HNF4G: variants seen among roughly 807,000 people sequenced by gnomAD.
HNF4G encodes the protein hepatocyte nuclear factor 4 gamma.
In HNF4G, 21 loss-of-function variants were observed where a neutral mutation model predicts 50.9. The observed-to-expected ratio is 0.41, with a 90% CI of 0.29 to 0.59. HNF4G has a LOEUF of 0.59. HNF4G is among the 20% of genes least tolerant of loss of function. The probability of loss-of-function intolerance (pLI) is 0.26; values close to 1 mark genes in which losing one functional copy is unlikely to be tolerated. For synonymous variants in HNF4G, 198 were observed against 185.6 expected, an observed-to-expected ratio of 1.07 and a Z score of -0.54; for missense variants, 527 against 559.4, an observed-to-expected ratio of 0.94 and a Z score of 0.58.
chr8:75,547,642 C>T lies in HNF4G; in HGVS notation c.343C>T (p.Arg115Ter), dbSNP rs1427781416. 6.2e-7 allele frequency: 1 copy of T among 1,609,266 alleles called. No homozygotes were observed. Among genetic ancestry groups the T allele is most frequent in the Non-Finnish European group, 8.5e-7 (1 of 1,176,490 alleles). ...KDKRNQCRYC[R>*]LRKCFRAGMK... The stretch of plus-strand genomic sequence containing the variant: ...CAAAAGGAATCAATGTAGATATTGT[C>T]GATTAAGAAAGTGTTTTAGAGCGGG... Residue 115 changes from arginine to a stop codon, truncating the protein, a stop_gained, in exon 3 of 10, where the codon CGA becomes TGA. Transcript: ENST00000396423. LOFTEE classifies it high-confidence loss of function.
At chr8:75,469,278 G>A (rs1341001904) in intron 1 of HNF4G, among the ~76,000 whole-genome samples, 1 of 152,006 alleles carries the variant, frequency 6.6e-6, no homozygotes, top group Non-Finnish European at 1.5e-5. Flanking sequence ...ACCTTAGTGG[G>A]ATGGGGAAAT....
At chr8:75,452,787 C>T (rs867296479) in intron 1 of HNF4G, among the ~76,000 whole-genome samples, 2 of 152,008 alleles carry the variant, frequency 1.3e-5, no homozygotes, top group Non-Finnish European at 2.9e-5. Flanking sequence ...GATTCCACAT[C>T]AGGCAGTCCT....
intron 2 of HNF4G, among the ~76,000 whole-genome samples, chr8:75,511,465 C>G (rs1805749047): frequency 6.6e-6 from 1 of 152,196 alleles, no homozygotes; most frequent in African/African-American, 2.4e-5. Context: ...AGAATCACTT[C>G]TTAAAATACA....
intron 1 of HNF4G, among the ~76,000 whole-genome samples, chr8:75,470,725 C>A (rs1396505492): frequency 6.6e-6 from 1 of 152,190 alleles, no homozygotes; most frequent in Non-Finnish European, 1.5e-5. Context: ...GAAAGCCTGA[C>A]ATTGTGTCAA....
Position 75,556,016 on chromosome 8 carries a change from T to TA in HNF4G, c.681dup (p.Leu228ThrfsTer12). On this transcript the variant is annotated frameshift_variant, in exon 6 of 10. Transcript: ENST00000396423. LOFTEE classifies it high-confidence loss of function. ...TTGAGAGCTCACGCAGGGGAGCACTTACTGCTTGGAGCTACAAAGAGATCC... is the reference window on the plus strand; with the variant it reads ...TTGAGAGCTCACGCAGGGGAGCACTTAACTGCTTGGAGCTACAAAGAGATCC... The TA allele has an allele frequency of 6.3e-7, 1 of 1,587,792 alleles. No homozygotes were observed. The highest frequency in any genetic ancestry group is 8.6e-7 in the Non-Finnish European group (1 of 1,166,438).
At chr8:75,442,748 T>C (rs996335021) in intron 1 of HNF4G, among the ~76,000 whole-genome samples, 3 of 152,150 alleles carry the variant, frequency 2.0e-5, no homozygotes, top group Admixed American at 6.6e-5. Flanking sequence ...CATTATTTTA[T>C]ATTGAGTTTG....
At chr8:75,449,392 T>TA (rs1186233203) in intron 1 of HNF4G, among the ~76,000 whole-genome samples, 2 of 148,544 alleles carry the variant, frequency 1.3e-5, no homozygotes, top group African/African-American at 5.2e-5. Flanking sequence ...TTTAATTAAC[T>TA]AAAAAAACAA....
chr8:75,459,597 C>A (rs961758150), intron 1 of HNF4G, among the ~76,000 whole-genome samples: 2 of 152,158 alleles, frequency 1.3e-5, no homozygotes, highest in Non-Finnish European at 2.9e-5. Context: ...TATAGTTTGA[C>A]TTCATTTAGA....
intron 1 of HNF4G, among the ~76,000 whole-genome samples, chr8:75,458,364 TCTAA>T (rs1261294389): frequency 7.1e-6 from 1 of 140,442 alleles, no homozygotes; most frequent in Non-Finnish European, 1.5e-5. Flanking sequence ...TGTTTAATGG[TCTAA>T]CTTTTTTTTT....
At chr8:75,409,732 C>T (rs1332538147) in intron 1 of HNF4G, among the ~76,000 whole-genome samples, 2 of 151,996 alleles carry the variant, frequency 1.3e-5, no homozygotes, top group Non-Finnish European at 2.9e-5. Flanking sequence ...CGTGATCTGC[C>T]CGTCTTGACA....
chr8:75,532,124 A>G (rs944076386), intron 2 of HNF4G, among the ~76,000 whole-genome samples: 1 of 152,108 alleles, frequency 6.6e-6, no homozygotes, highest in African/African-American at 2.4e-5. Flanking sequence ...ATCAAAAATA[A>G]ATAAATAAAT....
chr8:75,432,497 C>T (rs562982119), intron 1 of HNF4G, among the ~76,000 whole-genome samples: 5 of 152,118 alleles, frequency 3.3e-5, no homozygotes, highest in African/African-American at 1.2e-4. Context: ...GATGGGGTTT[C>T]AGCATGTTGG....
chr8:75,476,190 T>C (rs1428382452), intron 1 of HNF4G, among the ~76,000 whole-genome samples: 1 of 152,184 alleles, frequency 6.6e-6, no homozygotes, highest in East Asian at 1.9e-4. Flanking sequence ...TTAGAACATG[T>C]GGTATTTGAT....
intron 1 of HNF4G, among the ~76,000 whole-genome samples, chr8:75,458,577 A>G (rs890870622): frequency 6.6e-6 from 1 of 152,090 alleles, no homozygotes; most frequent in Non-Finnish European, 1.5e-5. Context: ...AAACGTAAAA[A>G]TGTTCCTACT....
intron 6 of HNF4G, among the ~76,000 whole-genome samples, chr8:75,557,732 T>G (rs1807174988): frequency 6.6e-6 from 1 of 152,198 alleles, no homozygotes; most frequent in Non-Finnish European, 1.5e-5. Context: ...CCATTGAACA[T>G]GCTGTTACCC....
chr8:75,533,345 T>C (rs965763364), intron 2 of HNF4G, among the ~76,000 whole-genome samples: 2 of 152,060 alleles, frequency 1.3e-5, no homozygotes, highest in African/African-American at 4.8e-5. Flanking sequence ...TACCAGCTTC[T>C]ACCTCCAGAC....
At chr8:75,461,906 A>G (rs923087680) in intron 1 of HNF4G, among the ~76,000 whole-genome samples, 17 of 52,696 alleles carry the variant, frequency 3.2e-4, no homozygotes, top group African/African-American at 2.8e-3. Context: ...ATATAAATAT[A>G]AATATATATA....
intron 3 of HNF4G, 60 bp from the exon 4 acceptor site, chr8:75,551,328 C>A: frequency 2.2e-6 from 2 of 928,804 alleles, no homozygotes; most frequent in East Asian, 2.5e-5. Context: ...TCCTTAAAAT[C>A]TATATTCTAA....
chr8:75,421,021 T>C (rs536020225), intron 1 of HNF4G, among the ~76,000 whole-genome samples: 2 of 152,358 alleles, frequency 1.3e-5, no homozygotes, highest in African/African-American at 4.8e-5. Context: ...AGTTCTCTTA[T>C]AGCCACATCG....
Sources: gnomAD v4.1 joint callset for allele counts (sites outside exome capture counted in the v4.1 genomes callset) on GRCh38, gnomAD v4.1.1 for gene constraint, MANE v1.5 for transcripts, NCBI Gene and HGNC (gene_info 2026-07-23, HGNC 2026-07-21) for gene names.